UGGT1: variants seen among roughly 807,000 people sequenced by gnomAD.
The protein encoded by UGGT1 is UDP-glucose:glycoprotein glucosyltransferase 1.
Under a neutral mutation model 203.9 loss-of-function variants are expected in UGGT1, and 107 were observed. The ratio of observed to expected loss-of-function variants is 0.52; its 90% CI spans 0.45 to 0.62. The LOEUF (loss-of-function observed/expected upper bound fraction) is 0.62. Ranked by LOEUF, UGGT1 falls within the 20% of genes least tolerant of loss-of-function variation. The pLI, the probability that UGGT1 is intolerant of heterozygous loss-of-function variation, is 0.00. For missense variants in UGGT1, 1,673 were observed against 1,867.2 expected (o/e 0.90, Z 1.92); for synonymous variants, 628 against 653.5 (o/e 0.96, Z 0.59).
rs537212250 is a variant in UGGT1, at chr2:128,132,063, T to C, written c.1378-1078T>C. Among the ~76,000 whole-genome samples the C allele has an allele frequency of 1.7e-4, 26 of 152,358 alleles. No individual in the cohort carries two copies. The Middle Eastern group carries it at 0.014, about 80-fold the overall frequency. ...TCTATATCTTTTCCTATTCTTGGTC[T>C]TGACAAACTTTCACTTTTTCTGTCT... is the stretch of plus-strand genomic sequence containing the variant. On this transcript the variant is annotated intron_variant, in intron 13 of 40. Transcript: ENST00000259253.
Position 128,161,225 on chromosome 2 carries a change from A to G in UGGT1, c.2782A>G (p.Lys928Glu), listed in dbSNP as rs753849099. 1 of 1,614,072 alleles carries G rather than the reference A, an allele frequency of 6.2e-7. No individual in the cohort carries two copies. The highest frequency in any genetic ancestry group is 1.3e-5 in the African/African-American group (1 of 75,058). ...ENIILKTSGQ[K>E]IKSHIQQLRV... is the part of the protein sequence containing the mutation. ...TATCATCTTAAAAACCTCAGGACAG[A>G]AAATAAAATCTCATATTCAACAGCT... Residue 928 changes from lysine (K) to glutamate (E), a missense_variant, in exon 25 of 41, where the codon AAA becomes GAA. Transcript: ENST00000259253.
chr2:128,177,597 G>A (rs566148432), intron 32 of UGGT1, among the ~76,000 whole-genome samples: 44 of 152,314 alleles, frequency 2.9e-4, no homozygotes, highest in South Asian at 8.3e-4. Context: ...AGCTGAAAAT[G>A]GGGTTCATCT....
At chr2:128,130,218 G>A (rs1431754609) in intron 13 of UGGT1, among the ~76,000 whole-genome samples, 2 of 147,120 alleles carry the variant, frequency 1.4e-5, no homozygotes, top group East Asian at 4.0e-4. Context: ...CTGAGATCAC[G>A]CCACTGCGCT....
At chr2:128,145,548 A>C in intron 17 of UGGT1, 1 of 378,738 alleles carries the variant, frequency 2.6e-6, no homozygotes, top group Non-Finnish European at 4.8e-6. Context: ...GTACACACAC[A>C]CGCACTTCAT....
At chr2:128,189,685 GTTTTC>G (rs1692159977) in intron 40 of UGGT1, 27 bp from the exon 41 acceptor site, 3 of 1,604,346 alleles carry the variant, frequency 1.9e-6, no homozygotes, top group Admixed American at 3.4e-5. Context: ...AAGATCATCT[GTTTTC>G]TTTTCTGTGG....
chr2:128,115,179 A>C lies in UGGT1; in HGVS notation c.752A>C (p.Lys251Thr). 6.2e-7 allele frequency: 1 copy of C among 1,614,092 alleles called. No homozygotes were observed. The highest frequency in any genetic ancestry group is 2.2e-5 in the East Asian group (1 of 44,878). Reference sequence around the variant, plus strand: ...GGCTATGGCGTGGAATTGGCCATTAAGAGCACTGAGTACAAGGCCAAGGAT... The same window carrying C: ...GGCTATGGCGTGGAATTGGCCATTACGAGCACTGAGTACAAGGCCAAGGAT... ...LSGYGVELAI[K>T]STEYKAKDDT... The change falls in exon 7 of 41, where the codon AAG (lysine) becomes ACG (threonine). Residue 251 changes from lysine to threonine, a missense_variant. By Grantham distance (78) the Lys-to-Thr change is moderately conservative. Transcript: ENST00000259253.
intron 14 of UGGT1, 68 bp downstream of exon 14, chr2:128,133,328 T>C (rs377053832): frequency 1.9e-6 from 3 of 1,581,136 alleles, no homozygotes; most frequent in East Asian, 2.3e-5. Flanking sequence ...TTTTTTGTCA[T>C]GTAGAATGGT....
chr2:128,100,468 G>A (rs1470567429), intron 2 of UGGT1, among the ~76,000 whole-genome samples: 22 of 151,786 alleles, frequency 1.4e-4, no homozygotes, highest in African/African-American at 5.1e-4. Context: ...GTGCAATGGC[G>A]TGATCTCGGC....
chr2:128,160,312 G>T (rs1690461908), intron 23 of UGGT1, 148 bp from the exon 24 acceptor site: 5 of 773,144 alleles, frequency 6.5e-6, no homozygotes, highest in East Asian at 6.3e-5. Flanking sequence ...CGGGGAGACT[G>T]GAGAATTGAC....
chr2:128,127,257 G>A (rs553825558), intron 11 of UGGT1, 104 bp from the exon 12 acceptor site: 66 of 747,482 alleles, frequency 8.8e-5, no homozygotes, highest in Middle Eastern at 3.9e-4. Flanking sequence ...TCTTAGCCCT[G>A]CCTTAGGATG....
intron 15 of UGGT1, among the ~76,000 whole-genome samples, chr2:128,138,293 A>G (rs1558784276): frequency 6.6e-6 from 1 of 152,064 alleles, no homozygotes; most frequent in Non-Finnish European, 1.5e-5. Flanking sequence ...GCCGAGGCTG[A>G]TGGATCACCT....
intron 10 of UGGT1, among the ~76,000 whole-genome samples, chr2:128,122,732 A>C (rs534058551): frequency 6.6e-6 from 1 of 152,260 alleles, no homozygotes; most frequent in Non-Finnish European, 1.5e-5. Context: ...ATATTTTATA[A>C]CTAAGTTTGT....
At chr2:128,159,373 A>G (rs1690407226) in intron 22 of UGGT1, 141 bp from the exon 23 acceptor site, 1 of 744,500 alleles carries the variant, frequency 1.3e-6, no homozygotes. Flanking sequence ...TGCTGGGATT[A>G]CAGGCATGAG....
At chr2:128,130,324 A>T (rs1688814517) in intron 13 of UGGT1, among the ~76,000 whole-genome samples, 3 of 152,042 alleles carry the variant, frequency 2.0e-5, no homozygotes, top group African/African-American at 4.8e-5. Flanking sequence ...GTGGTAAAAA[A>T]TAAGGTGAGT....
rs1692467318 is a variant in UGGT1, at chr2:128,195,367, T to TGATA, written c.*5625_*5626insGATA. The TGATA allele has an allele frequency of 6.6e-6, 1 of 152,222 alleles. No homozygotes were observed. Among genetic ancestry groups the TGATA allele is most frequent in the Admixed American group, 6.5e-5 (1 of 15,282 alleles). The allele number at this position is 152,222 out of a possible 1,614,324, so 9.4% of individuals were successfully genotyped here. On this transcript the variant is annotated 3_prime_UTR_variant, in exon 41 of 41. Coordinates refer to ENST00000259253, the MANE Select transcript of UGGT1 (RefSeq NM_020120.4). ...TTAACTTAAGGTTGACAACAAAAGA[T>TGATA]TATCAAGTACCATGTTTTCCAACCA...
In UGGT1 at chr2:128,182,379, G is replaced by A; in HGVS notation, c.4244+89G>A. The A allele has an allele frequency of 2.1e-6, 3 of 1,422,158 alleles. No homozygotes were observed. The South Asian group carries it at 4.4e-5, about 21-fold the overall frequency. 88.1% of individuals were successfully genotyped at this position (1,422,158 alleles called of 1,614,324 possible). On this transcript the variant is annotated intron_variant, in intron 37 of 40. Coordinates refer to ENST00000259253, the MANE Select transcript of UGGT1 (RefSeq NM_020120.4). ...TAAAATTGTGAATAGGTAATACATT[G>A]GTATGGTTGAAAAATAAAAATGATA...
chr2:128,155,008 A>C (rs1374394408), intron 19 of UGGT1, among the ~76,000 whole-genome samples: 1 of 152,234 alleles, frequency 6.6e-6, no homozygotes, highest in Admixed American at 6.5e-5. Context: ...AAAAGAGTGA[A>C]AATGACCTTT....
At chr2:128,130,621 G>T (rs1688829579) in intron 13 of UGGT1, among the ~76,000 whole-genome samples, 1 of 152,112 alleles carries the variant, frequency 6.6e-6, no homozygotes, top group Non-Finnish European at 1.5e-5. Flanking sequence ...TAATCATTTT[G>T]TGTCAGATTT....
At chr2:128,188,191 T>A (rs1030135801) in intron 40 of UGGT1, among the ~76,000 whole-genome samples, 2 of 151,888 alleles carry the variant, frequency 1.3e-5, no homozygotes, top group Admixed American at 6.6e-5. Context: ...CAGCTATTTT[T>A]AAATTTTATT....
Sources: gnomAD v4.1 joint callset for allele counts (sites outside exome capture counted in the v4.1 genomes callset) on GRCh38, gnomAD v4.1.1 for gene constraint, MANE v1.5 for transcripts, NCBI Gene and HGNC (gene_info 2026-07-23, HGNC 2026-07-21) for gene names.